Variants in ING1 observed in about 807,000 individuals in gnomAD.
ING1 encodes the protein inhibitor of growth family member 1.
Under a neutral mutation model 23.1 loss-of-function variants are expected in ING1, and 4 were observed. That is an observed-to-expected ratio of 0.17 (90% confidence interval 0.09 to 0.40). The LOEUF (loss-of-function observed/expected upper bound fraction) is 0.40. ING1 is among the 10% of genes least tolerant of loss of function. ING1 has a pLI of 1.00. For synonymous variants in ING1, 179 were observed against 166.4 expected, an observed-to-expected ratio of 1.08 and a Z score of -0.58; for missense variants, 256 against 393.8, an observed-to-expected ratio of 0.65 and a Z score of 2.96.
At chr13:110,714,311 G>T in intron 1 of ING1, 26 bp downstream of exon 1, 1 of 1,532,540 alleles carries the variant, frequency 6.5e-7, no homozygotes, top group Non-Finnish European at 8.8e-7. Context: ...GGATGGGCGG[G>T]GGCGGCCGCC....
chr13:110,714,654 G>C (rs1028076078), intron 1 of ING1, among the ~76,000 whole-genome samples: 4 of 152,194 alleles, frequency 2.6e-5, no homozygotes, highest in African/African-American at 9.6e-5. Context: ...CCGGCGCCTG[G>C]GGCTATAGGG....
chr13:110,722,145 C>T lies in ING1; in HGVS notation c.*2213C>T, dbSNP rs1041266293. 2 of 152,128 alleles carry T rather than the reference C, an allele frequency of 1.3e-5. No homozygotes were observed. The highest frequency in any genetic ancestry group is 4.8e-5 in the African/African-American group (2 of 41,408). 9.4% of individuals were successfully genotyped at this position (152,128 alleles called of 1,614,324 possible). On this transcript the variant is annotated 3_prime_UTR_variant, in exon 2 of 2. Coordinates refer to ENST00000333219, the MANE Select transcript of ING1 (RefSeq NM_198219.3). ...TAGAGGGTTACTTGGTAGAGAAATG[C>T]AAATTGTAGTTGGTCATATACTAAA...
chr13:110,720,550 A>C lies in ING1; in HGVS notation c.*618A>C, dbSNP rs2064163982. On this transcript the variant is annotated 3_prime_UTR_variant, in exon 2 of 2. Coordinates refer to ENST00000333219, the MANE Select transcript of ING1 (RefSeq NM_198219.3). ...TGGTCTAGTCAAGGAACCTCAAGTC[A>C]TGCTTTTGCTATCACCAATCATAGT... The C allele has an allele frequency of 6.0e-6, 1 of 167,120 alleles. No homozygotes were observed. The highest frequency in any genetic ancestry group is 1.5e-5 in the Non-Finnish European group (1 of 68,126). The allele number at this position is 167,120 out of a possible 1,614,324, so 10.4% of individuals were successfully genotyped here.
At chr13:110,716,847 AT>A (rs1453334251) in intron 1 of ING1, among the ~76,000 whole-genome samples, 2 of 152,204 alleles carry the variant, frequency 1.3e-5, no homozygotes, top group African/African-American at 4.8e-5. Flanking sequence ...GTCTGGAAGG[AT>A]GGCTTCCTAT....
Position 110,713,955 on chromosome 13 carries a change from A to G in ING1, c.-195A>G. 1 of 1,027,856 alleles carries G rather than the reference A, an allele frequency of 9.7e-7. No homozygotes were observed. The highest frequency in any genetic ancestry group is 1.2e-6 in the Non-Finnish European group (1 of 858,484). The allele number at this position is 1,027,856 out of a possible 1,614,324, so 63.7% of individuals were successfully genotyped here. A position where few individuals can be genotyped will look rare whatever the true frequency, so the allele number is the denominator to read the frequency against. On this transcript the variant is annotated 5_prime_UTR_variant, in exon 1 of 2. Coordinates refer to ENST00000333219, the MANE Select transcript of ING1 (RefSeq NM_198219.3). ...CACCGCCACCGCGGCCCGCGCCCTCAGGCGCTGGGGTCCCCGCGGACCCGG... is the reference window on the plus strand; with the variant it reads ...CACCGCCACCGCGGCCCGCGCCCTCGGGCGCTGGGGTCCCCGCGGACCCGG...
intron 1 of ING1, chr13:110,715,603 T>A (rs1246316270): frequency 3.7e-6 from 6 of 1,613,952 alleles, no homozygotes; most frequent in Non-Finnish European, 5.1e-6. Context: ...ACGAGTTGAT[T>A]TGAACGTCTT....
intron 1 of ING1, chr13:110,715,473 C>T (rs1380927899): frequency 4.3e-6 from 7 of 1,610,890 alleles, no homozygotes; most frequent in Non-Finnish European, 5.9e-6. Context: ...CTTATCATTC[C>T]CCTGCGGAAC....
At position 110,719,657 on chromosome 13, in the gene ING1, C is replaced by G; in HGVS notation, c.565C>G (p.Arg189Gly). The G allele has an allele frequency of 6.2e-7, 1 of 1,612,846 alleles. No individual in the cohort carries two copies. The highest frequency in any genetic ancestry group is 1.1e-5 in the South Asian group (1 of 91,050). ...KKAKTSKKKK[R>G]SKAKAEREAS... ...GGCCAAGACCTCCAAGAAGAAGAAG[C>G]GCTCCAAGGCCAAGGCGGAGCGAGA... is the stretch of plus-strand genomic sequence containing the variant. The change falls in exon 2 of 2, where the codon CGC becomes GGC. Residue 189 changes from arginine (R) to glycine (G), a missense_variant. By Grantham distance (125) the Arg-to-Gly change is moderately radical. Transcript: ENST00000333219. The surrounding 1 kb of genome is among the most constrained non-coding windows in gnomAD (Gnocchi z 8.9).
rs1278635446 is a variant in ING1 at position 110,721,031 on chromosome 13, A to G, written c.*1099A>G. 1.2e-5 allele frequency: 2 copies of G among 167,098 alleles called. No individual in the cohort carries two copies. The highest frequency in any genetic ancestry group is 2.9e-5 in the Non-Finnish European group (2 of 68,124). 10.4% of individuals were successfully genotyped at this position (167,098 alleles called of 1,614,324 possible). On this transcript the variant is annotated 3_prime_UTR_variant, in exon 2 of 2. Transcript: ENST00000333219. ...CACCATCTGTTTGAAGATTATATGA[A>G]GTTTAAATTCTAGTGTCCATAAATA...
Position 110,718,395 on chromosome 13 carries a change from G to A in ING1, c.137-834G>A, listed in dbSNP as rs537207424. 5.3e-5 allele frequency among the ~76,000 whole-genome samples: 8 copies of A among 152,314 alleles called. No homozygotes were observed. The South Asian group carries it at 1.4e-3, about 28-fold the overall frequency. ...TGCACCACTGCACTCCAGCCTGGGC[G>A]ACAGAGACGGACCTTGTCTCCAAAA... On this transcript the variant is annotated intron_variant, in intron 1 of 1. Transcript: ENST00000333219.
chr13:110,715,345 G>A (rs1241158730), intron 1 of ING1: 2 of 1,464,046 alleles, frequency 1.4e-6, no homozygotes, highest in East Asian at 2.4e-5. Flanking sequence ...AGGCGCCCCT[G>A]CGCGTTCTAT....
At chr13:110,716,148 T>G (rs1566380294) in intron 1 of ING1, 2 of 873,358 alleles carry the variant, frequency 2.3e-6, no homozygotes, top group Non-Finnish European at 1.6e-6. Context: ...GAGACCACTT[T>G]GATCGTTCGA....
upstream of ING1, chr13:110,713,120 C>A: frequency 7.0e-7 from 1 of 1,430,004 alleles, no homozygotes; most frequent in African/African-American, 1.4e-5. Flanking sequence ...AGTAAGAGTC[C>A]GGGGGGCATT....
Position 110,715,368 on chromosome 13 carries a change from T to G in ING1, c.136+1083T>G, listed in dbSNP as rs2064103989. On this transcript the variant is annotated intron_variant, in intron 1 of 1. Transcript: ENST00000333219. Reference sequence around the variant, plus strand: ...CTGCGCGTTCTATCCGAGACGTAGCTTCGCAGCGAATTTTATAGGAACTTC... The same window carrying G: ...CTGCGCGTTCTATCCGAGACGTAGCGTCGCAGCGAATTTTATAGGAACTTC... The G allele has an allele frequency of 1.8e-5, 27 of 1,495,768 alleles. 1 individual carries two copies. In the South Asian group the frequency reaches 3.5e-4, roughly 19 times the overall value. The allele number at this position is 1,495,768 out of a possible 1,614,324, so 92.7% of individuals were successfully genotyped here.
chr13:110,714,296 G>A lies in ING1; in HGVS notation c.136+11G>A. The A allele has an allele frequency of 6.4e-7, 1 of 1,550,872 alleles. No homozygotes were observed. The highest frequency in any genetic ancestry group is 8.7e-7 in the Non-Finnish European group (1 of 1,150,526). The stretch of plus-strand genomic sequence containing the variant: ...ACGCGAAATACCAAGGTACGGCCGG[G>A]TGATGGATGGGCGGGGGCGGCCGCC... On this transcript the variant is annotated intron_variant, in intron 1 of 1. Coordinates refer to ENST00000333219, the MANE Select transcript of ING1 (RefSeq NM_198219.3).
intron 1 of ING1, among the ~76,000 whole-genome samples, chr13:110,716,326 C>T (rs895966460): frequency 9.2e-5 from 14 of 152,146 alleles, no homozygotes; most frequent in Admixed American, 4.6e-4. Flanking sequence ...AGATCACAGT[C>T]CTGCCCCCCC....
chr13:110,715,352 C>T, intron 1 of ING1: 7 of 1,472,352 alleles, frequency 4.8e-6, no homozygotes, highest in Non-Finnish European at 5.4e-6. Flanking sequence ...CCTGCGCGTT[C>T]TATCCGAGAC....
Position 110,715,333 on chromosome 13 carries a change from G to C in ING1, c.136+1048G>C, listed in dbSNP as rs112798894. 6.1e-5 allele frequency: 88 copies of C among 1,450,334 alleles called. 2 individuals are homozygous for C. The highest frequency in any genetic ancestry group is 4.9e-4 in the Admixed American group (18 of 36,438). 89.8% of individuals were successfully genotyped at this position (1,450,334 alleles called of 1,614,324 possible). On this transcript the variant is annotated intron_variant, in intron 1 of 1. Coordinates refer to ENST00000333219, the MANE Select transcript of ING1 (RefSeq NM_198219.3). ...CGAAAGTACTAGACGCCTCTGCCGG[G>C]AAGGCGCCCCTGCGCGTTCTATCCG...
Position 110,719,127 on chromosome 13 carries a change from G to T in ING1, c.137-102G>T. 8.9e-7 allele frequency: 1 copy of T among 1,122,230 alleles called. No homozygotes were observed. The highest frequency in any genetic ancestry group is 1.3e-6 in the Non-Finnish European group (1 of 781,508). The allele number at this position is 1,122,230 out of a possible 1,614,324, so 69.5% of individuals were successfully genotyped here. The stretch of plus-strand genomic sequence containing the variant: ...TTTGTTCTGGGCAAGCCGTGCGCTG[G>T]CCCCTAGGCTCCCTGCCAGCCCTCT... On this transcript the variant is annotated intron_variant, in intron 1 of 1. Transcript: ENST00000333219. The surrounding 1 kb of genome is among the most constrained non-coding windows in gnomAD (Gnocchi z 8.9).
Sources: gnomAD v4.1 joint callset for allele counts (sites outside exome capture counted in the v4.1 genomes callset) on GRCh38, gnomAD v4.1.1 for gene constraint, Gnocchi (gnomAD v3.1) non-coding constraint, MANE v1.5 for transcripts, NCBI Gene and HGNC (gene_info 2026-07-23, HGNC 2026-07-21) for gene names.